The following NRXN2 variants were observed in gnomAD, a reference collection of about 807,000 sequenced individuals.
The protein encoded by NRXN2 is neurexin-2-beta.
NRXN2 carries 29 observed loss-of-function variants against 128.8 expected under a neutral mutation model. The ratio of observed to expected loss-of-function variants is 0.23; its 90% CI spans 0.17 to 0.31. The LOEUF (loss-of-function observed/expected upper bound fraction) is 0.31, where lower values mean the gene tolerates loss of function less well. NRXN2 is among the 10% of genes least tolerant of loss of function. NRXN2 has a pLI of 1.00. For missense variants in NRXN2, 1,881 were observed against 2,452.6 expected (o/e 0.77, Z 4.92); for synonymous variants, 1,098 against 1,075.2 (o/e 1.02, Z -0.41).
Position 64,630,712 on chromosome 11 carries a change from G to A in NRXN2, c.3586-139C>T, listed in dbSNP as rs2043781165. On this transcript the variant is annotated intron_variant, in intron 18 of 22. Coordinates refer to ENST00000265459, the MANE Select transcript of NRXN2 (RefSeq NM_015080.4). This position sits in a 1 kb window ranked among gnomAD's most constrained non-coding sequence, Gnocchi z 4.6. Reference sequence around the variant, plus strand: ...CCAGGTCTCAACCGCTGGAGGAGGTGGGCAGGCTCGCTCCCCTTCCCCACA... The same window carrying A: ...CCAGGTCTCAACCGCTGGAGGAGGTAGGCAGGCTCGCTCCCCTTCCCCACA... The A allele has an allele frequency of 3.1e-6, 3 of 972,828 alleles. No individual in the cohort carries two copies. The highest frequency in any genetic ancestry group is 1.6e-6 in the Non-Finnish European group (1 of 638,368). The allele number at this position is 972,828 out of a possible 1,614,324, so 60.3% of individuals were successfully genotyped here.
intron 17 of NRXN2, chr11:64,646,503 A>C (rs1297309446): frequency 6.6e-6 from 1 of 152,214 alleles, no homozygotes; most frequent in Non-Finnish European, 1.5e-5. Context: ...GGACTAAATG[A>C]GCAGCAGGGA....
At chr11:64,720,772 TG>T (rs1322660422) in intron 1 of NRXN2, among the ~76,000 whole-genome samples, 1 of 152,054 alleles carries the variant, frequency 6.6e-6, no homozygotes, top group South Asian at 2.1e-4. Context: ...ATGAGCTTGC[TG>T]GGGGGCAGGG....
intron 2 of NRXN2, among the ~76,000 whole-genome samples, chr11:64,705,364 C>T (rs2056122395): frequency 6.6e-6 from 1 of 152,160 alleles, no homozygotes; most frequent in Non-Finnish European, 1.5e-5. Context: ...AAGTTATTCT[C>T]ATGTGGTGAT....
Position 64,630,022 on chromosome 11 carries a change from ATC to A in NRXN2, c.3757+378_3757+379del, listed in dbSNP as rs1404778852. 6.6e-6 allele frequency among the ~76,000 whole-genome samples: 1 copy of A among 151,908 alleles called. No homozygotes were observed. Among genetic ancestry groups the A allele is most frequent in the African/African-American group, 2.4e-5 (1 of 41,332 alleles). ...TCTGGATTTTCTCTCCTGTTTCTGC[ATC>A]TGTCTCCCTCATTTCTGAACTCAAC... On this transcript the variant is annotated intron_variant, in intron 19 of 22. Coordinates refer to ENST00000265459, the MANE Select transcript of NRXN2 (RefSeq NM_015080.4). This position sits in a 1 kb window ranked among gnomAD's most constrained non-coding sequence, Gnocchi z 4.6.
At chr11:64,647,831 A>G (rs1290620817) in intron 17 of NRXN2, among the ~76,000 whole-genome samples, 2 of 152,186 alleles carry the variant, frequency 1.3e-5, no homozygotes, top group Non-Finnish European at 2.9e-5. Flanking sequence ...TCCCTGTGCA[A>G]TAGTGTGTCT....
intron 17 of NRXN2, among the ~76,000 whole-genome samples, chr11:64,645,159 G>A (rs769752682): frequency 6.6e-6 from 1 of 152,170 alleles, no homozygotes; most frequent in Non-Finnish European, 1.5e-5. Context: ...TCTCTATCAC[G>A]TTCTTGGGCC....
At chr11:64,700,397 C>T (rs943756925) in intron 2 of NRXN2, among the ~76,000 whole-genome samples, 2 of 152,238 alleles carry the variant, frequency 1.3e-5, no homozygotes, top group African/African-American at 2.4e-5. Flanking sequence ...ACCAGTGCTG[C>T]CTGAGCTCCC....
intron 17 of NRXN2, chr11:64,643,495 GGA>G (rs1275559701): frequency 6.5e-6 from 1 of 153,746 alleles, no homozygotes; most frequent in Non-Finnish European, 1.4e-5. Flanking sequence ...AGATTCCGGC[GGA>G]GAGATGGAGG....
At chr11:64,693,481 C>A (rs1370750764) in intron 3 of NRXN2, among the ~76,000 whole-genome samples, 1 of 152,034 alleles carries the variant, frequency 6.6e-6, no homozygotes, top group East Asian at 1.9e-4. Flanking sequence ...CTCCAACCCC[C>A]CAACACCCCT....
At chr11:64,700,859 A>G (rs998263985) in intron 2 of NRXN2, among the ~76,000 whole-genome samples, 2 of 152,064 alleles carry the variant, frequency 1.3e-5, no homozygotes, top group Non-Finnish European at 2.9e-5. Flanking sequence ...CTCACATTCA[A>G]TATGTCTAGG....
chr11:64,694,573 C>T (rs557539763), intron 3 of NRXN2, among the ~76,000 whole-genome samples: 5 of 152,162 alleles, frequency 3.3e-5, no homozygotes, highest in Non-Finnish European at 7.4e-5. Flanking sequence ...AGGCCACAGC[C>T]GCTGAGGGCA....
intron 17 of NRXN2, among the ~76,000 whole-genome samples, chr11:64,645,362 A>G (rs1738811188): frequency 6.6e-6 from 1 of 152,086 alleles, no homozygotes; most frequent in East Asian, 1.9e-4. Flanking sequence ...TATAGAGGGT[A>G]AAAAAGAAGG....
At position 64,713,581 on chromosome 11, in the gene NRXN2, C is replaced by T; in HGVS notation, c.119G>A (p.Arg40His). The stretch of plus-strand genomic sequence containing the variant: ...CGCCGCGCCCGCCCAGCGCGCGTAG[C>T]GAGCCCACTGCCCGGGGCCGCCGCC... ...EFGGGPGQWA[R>H]YARWAGAASS... Residue 40 changes from arginine (R) to histidine (H), a missense_variant, in exon 2 of 23, where the codon CGC becomes CAC. Physicochemically the swap from Arg to His is conservative, Grantham distance 29. Around this residue, in one of 7 missense-constraint regions of NRXN2, gnomAD observed 997 missense variants for 1,240.8 expected, o/e 0.80. Transcript: ENST00000265459. 1 of 1,382,664 alleles carries T rather than the reference C, an allele frequency of 7.2e-7. No homozygotes were observed. The highest frequency in any genetic ancestry group is 9.4e-7 in the Non-Finnish European group (1 of 1,067,190). The allele number at this position is 1,382,664 out of a possible 1,614,324, so 85.6% of individuals were successfully genotyped here. A position where few individuals can be genotyped will look rare whatever the true frequency, so the allele number is the denominator to read the frequency against.
chr11:64,702,990 A>G (rs1203555545), intron 2 of NRXN2, among the ~76,000 whole-genome samples: 199 of 150,536 alleles, frequency 1.3e-3, no homozygotes, highest in African/African-American at 4.7e-3. Flanking sequence ...AAAAAAAAAA[A>G]AAAAGAAAGA....
intron 11 of NRXN2, 54 bp from the exon 12 acceptor site, chr11:64,653,776 A>AT: frequency 7.6e-6 from 10 of 1,324,202 alleles, no homozygotes; most frequent in African/African-American, 3.0e-5. Flanking sequence ...AGGTAAAACA[A>AT]GTTTTTTTTT....
Position 64,697,756 on chromosome 11 carries a change from A to G in NRXN2, c.748+19T>C. ...TGGCAACAGATCCACTACCCCAGTG[A>G]CAGAGAGGCTTCACTCACCTTCCAT... is the stretch of plus-strand genomic sequence containing the variant. On this transcript the variant is annotated intron_variant, in intron 3 of 22. Transcript: ENST00000265459. 6.2e-7 allele frequency: 1 copy of G among 1,613,748 alleles called. No homozygotes were observed. Among genetic ancestry groups the G allele is most frequent in the African/African-American group, 1.3e-5 (1 of 75,032 alleles).
At chr11:64,696,524 T>TACACACACACAC (rs1255803604) in intron 3 of NRXN2, among the ~76,000 whole-genome samples, 1 of 85,118 alleles carries the variant, frequency 1.2e-5, no homozygotes, top group East Asian at 3.5e-4. Flanking sequence ...CACACATACA[T>TACACACACACAC]ACATACACAC....
chr11:64,614,078 TAC>T (rs2041088192), intron 22 of NRXN2, among the ~76,000 whole-genome samples: 1 of 151,984 alleles, frequency 6.6e-6, no homozygotes, highest in African/African-American at 2.4e-5. Context: ...GTGAAAAGAA[TAC>T]AGAGAGCCCA....
At chr11:64,615,041 C>T (rs1282016486) in intron 22 of NRXN2, among the ~76,000 whole-genome samples, 1 of 152,210 alleles carries the variant, frequency 6.6e-6, no homozygotes, top group East Asian at 1.9e-4. Flanking sequence ...CCTGTTTCTG[C>T]TTCCTCCTCA....
Sources: allele counts gnomAD v4.1 joint callset (sites outside exome capture counted in the v4.1 genomes callset), GRCh38; gene constraint gnomAD v4.1.1; regional missense constraint gnomAD v4.1.1; non-coding constraint Gnocchi (gnomAD v3.1); transcripts MANE v1.5; gene names NCBI Gene and HGNC (gene_info 2026-07-23, HGNC 2026-07-21).